TMTC3: variants seen among roughly 807,000 people sequenced by gnomAD.
The protein encoded by TMTC3 is protein O-mannosyl-transferase TMTC3.
In TMTC3, 52 loss-of-function variants were observed where a neutral mutation model predicts 92.2. The observed-to-expected ratio is 0.56, with a 90% CI of 0.45 to 0.71. The LOEUF (loss-of-function observed/expected upper bound fraction) is 0.71. Ranked by LOEUF, TMTC3 falls within the 30% of genes least tolerant of loss-of-function variation. The pLI is 0.00. For synonymous variants in TMTC3, 339 were observed against 363.3 expected, an observed-to-expected ratio of 0.93 and a Z score of 0.76; for missense variants, 896 against 1,057.1, an observed-to-expected ratio of 0.85 and a Z score of 2.11.
chr12:88,172,232 T>C (rs1015337533), intron 7 of TMTC3, among the ~76,000 whole-genome samples: 2 of 152,132 alleles, frequency 1.3e-5, no homozygotes, highest in African/African-American at 4.8e-5. Context: ...TAGCTAATTA[T>C]GCTTCTCAAA....
intron 10 of TMTC3, among the ~76,000 whole-genome samples, chr12:88,185,050 G>A (rs1039968984): frequency 6.6e-6 from 1 of 152,172 alleles, no homozygotes; most frequent in Admixed American, 6.5e-5. Context: ...TGATTGAGTT[G>A]TAATTTTTTA....
chr12:88,184,812 TAC>T (rs915929753), intron 10 of TMTC3, among the ~76,000 whole-genome samples: 44 of 152,042 alleles, frequency 2.9e-4, no homozygotes, highest in Middle Eastern at 3.4e-3. Context: ...AATATATATA[TAC>T]ACACACACAT....
rs763756390 is a variant in TMTC3, at chr12:88,195,165, T to C, written c.2261T>C (p.Leu754Pro). Reference sequence around the variant, plus strand: ...CTGATGAATCAAAAGAAAGATATACTAGGAGCAAAAAAATGTTTTGAAAGG... The same window carrying C: ...CTGATGAATCAAAAGAAAGATATACCAGGAGCAAAAAAATGTTTTGAAAGG... ...DILMNQKKDI[L>P]GAKKCFERIL... The change falls in exon 14 of 14, where the codon CTA (leucine) becomes CCA (proline). Residue 754 changes from leucine to proline, a missense_variant. Coordinates refer to ENST00000266712, the MANE Select transcript of TMTC3 (RefSeq NM_181783.4). 1.1e-5 allele frequency: 18 copies of C among 1,613,718 alleles called. No individual in the cohort carries two copies. The highest frequency in any genetic ancestry group is 1.4e-5 in the Non-Finnish European group (17 of 1,179,882).
At position 88,153,156 on chromosome 12, in the gene TMTC3, C is replaced by T. The variant is rs970646894; in HGVS notation, c.190-135C>T. The T allele has an allele frequency of 6.2e-5, 37 of 593,888 alleles. 1 individual carries two copies. The highest frequency in any genetic ancestry group is 1.3e-4 in the African/African-American group (7 of 53,124). The allele number at this position is 593,888 out of a possible 1,614,324, so 36.8% of individuals were successfully genotyped here. A position where few individuals can be genotyped will look rare whatever the true frequency, so the allele number is the denominator to read the frequency against. The stretch of plus-strand genomic sequence containing the variant: ...GTATTTTATTTTTGTGTTACTCTTA[C>T]GACATTTCATATTTTATTGTTATTT... On this transcript the variant is annotated intron_variant, in intron 2 of 13. Transcript: ENST00000266712.
chr12:88,160,197 T>C lies in TMTC3; in HGVS notation c.592T>C (p.Cys198Arg). The change falls in exon 5 of 14, where the codon TGC becomes CGC. Residue 198 changes from cysteine (C) to arginine (R), a missense_variant. By Grantham distance (180) the Cys-to-Arg change is radical. Coordinates refer to ENST00000266712, the MANE Select transcript of TMTC3 (RefSeq NM_181783.4). ...KEQGITVVGI[C>R]CVYEVFIAQG... Reference sequence around the variant, plus strand: ...ACAAGGAATAACAGTTGTAGGAATTTGCTGTGTGTATGAAGTGTTTATTGC... The same window carrying C: ...ACAAGGAATAACAGTTGTAGGAATTCGCTGTGTGTATGAAGTGTTTATTGC... 6.3e-7 allele frequency: 1 copy of C among 1,588,324 alleles called. No homozygotes were observed. Among genetic ancestry groups the C allele is most frequent in the South Asian group, 1.2e-5 (1 of 85,366 alleles).
At chr12:88,155,449 A>G (rs892982394) in intron 4 of TMTC3, among the ~76,000 whole-genome samples, 3 of 152,190 alleles carry the variant, frequency 2.0e-5, no homozygotes, top group African/African-American at 7.2e-5. Flanking sequence ...ACTGTGGCCT[A>G]CAGGATTATA....
At chr12:88,165,762 A>G (rs147418141) in intron 6 of TMTC3, among the ~76,000 whole-genome samples, 1 of 152,256 alleles carries the variant, frequency 6.6e-6, no homozygotes, top group East Asian at 1.9e-4. Flanking sequence ...ACTACTTTGT[A>G]CTAGAAATTT....
rs1411871375 is a variant in TMTC3 at position 88,192,720 on chromosome 12, T to C, written c.1823T>C (p.Ile608Thr). 3.7e-6 allele frequency: 6 copies of C among 1,613,432 alleles called. No homozygotes were observed. The highest frequency in any genetic ancestry group is 2.2e-5 in the South Asian group (2 of 91,080). ...DLWYNLAIVH[I>T]ELKEPNEALK... The stretch of plus-strand genomic sequence containing the variant: ...TGGTACAACTTGGCAATTGTACATA[T>C]TGAACTTAAAGAACCAAATGAAGCC... Residue 608 changes from isoleucine to threonine, a missense_variant, in exon 13 of 14, where the codon ATT becomes ACT. Ile to Thr is a moderately conservative substitution (Grantham distance 89). Transcript: ENST00000266712.
chr12:88,184,789 T>TAC (rs1216145772), intron 10 of TMTC3, among the ~76,000 whole-genome samples: 7 of 151,828 alleles, frequency 4.6e-5, no homozygotes, highest in African/African-American at 9.7e-5. Context: ...TATATATATA[T>TAC]ACACACACAC....
rs77671939 is a variant in TMTC3 at position 88,151,298 on chromosome 12, T to C, written c.190-1993T>C. Among the ~76,000 whole-genome samples, 324 of 152,318 alleles carry C rather than the reference T, an allele frequency of 2.1e-3. 2 individuals are homozygous for C. The highest frequency in any genetic ancestry group is 7.6e-3 in the African/African-American group (316 of 41,586). On this transcript the variant is annotated intron_variant, in intron 2 of 13. Coordinates refer to ENST00000266712, the MANE Select transcript of TMTC3 (RefSeq NM_181783.4). ...AAGTACCTTGTGCTAAGGTAACTTC[T>C]GCAAATATTTTATCTCATTATGATT...
intron 12 of TMTC3, among the ~76,000 whole-genome samples, chr12:88,191,325 C>T (rs2041440087): frequency 6.6e-6 from 1 of 151,938 alleles, no homozygotes; most frequent in African/African-American, 2.4e-5. Flanking sequence ...TAAATAACAC[C>T]TGTCATGTAT....
intron 10 of TMTC3, 88 bp from the exon 11 acceptor site, chr12:88,188,755 A>C (rs1592749958): frequency 1.5e-6 from 1 of 647,540 alleles, no homozygotes; most frequent in East Asian, 3.0e-5. Flanking sequence ...ATACTTGTTT[A>C]TATATCAAAT....
intron 10 of TMTC3, among the ~76,000 whole-genome samples, chr12:88,178,700 G>C (rs2041285463): frequency 6.6e-6 from 1 of 152,122 alleles, no homozygotes; most frequent in South Asian, 2.1e-4. Flanking sequence ...ACTTTCTTAA[G>C]TCTTGAGATG....
At chr12:88,180,967 G>T (rs189900741) in intron 10 of TMTC3, among the ~76,000 whole-genome samples, 65 of 152,242 alleles carry the variant, frequency 4.3e-4, no homozygotes, top group African/African-American at 1.4e-3. Context: ...AGTGTTGCAG[G>T]ATCCTTACTC....
At position 88,155,539 on chromosome 12, in the gene TMTC3, T is replaced by G. The variant is rs555187733; in HGVS notation, c.508+1152T>G. 1.1e-4 allele frequency among the ~76,000 whole-genome samples: 16 copies of G among 152,292 alleles called. No individual in the cohort carries two copies. The South Asian group carries it at 3.1e-3, about 30-fold the overall frequency. ...GTCTTCACTATAGCTAGATAGACCT[T>G]CTTGCTGTTCCCAAACAGGCAGAGC... On this transcript the variant is annotated intron_variant, in intron 4 of 13. Coordinates refer to ENST00000266712, the MANE Select transcript of TMTC3 (RefSeq NM_181783.4).
Position 88,192,761 on chromosome 12 carries a change from C to T in TMTC3, c.1864C>T (p.Arg622Cys), listed in dbSNP as rs776523504. Reference sequence around the variant, plus strand: ...AAATGAAGCCCTAAAAAACTTTAATCGTGCTCTGGAACTAAATCCAAAGCA... The same window carrying T: ...AAATGAAGCCCTAAAAAACTTTAATTGTGCTCTGGAACTAAATCCAAAGCA... ...EPNEALKNFNRALELNPKHKL... is the reference protein window; with the variant it reads ...EPNEALKNFNCALELNPKHKL... Residue 622 changes from arginine (R) to cysteine (C), a missense_variant, in exon 13 of 14, where the codon CGT becomes TGT. Physicochemically the swap from Arg to Cys is radical, Grantham distance 180. Transcript: ENST00000266712. 17 of 1,613,260 alleles carry T rather than the reference C, an allele frequency of 1.1e-5. No individual in the cohort carries two copies. Among genetic ancestry groups the T allele is most frequent in the Middle Eastern group, 1.6e-4 (1 of 6,070 alleles).
At chr12:88,183,404 G>C (rs747528308) in intron 10 of TMTC3, among the ~76,000 whole-genome samples, 2 of 152,152 alleles carry the variant, frequency 1.3e-5, no homozygotes, top group Non-Finnish European at 2.9e-5. Context: ...TGCCAGGCAG[G>C]CTAAGAGCTC....
chr12:88,193,953 G>A (rs978923448), intron 13 of TMTC3, among the ~76,000 whole-genome samples: 1 of 152,046 alleles, frequency 6.6e-6, no homozygotes, highest in African/African-American at 2.4e-5. Context: ...CCAGGCAGTG[G>A]CTGATGCCTG....
chr12:88,148,291 T>G lies in TMTC3; in HGVS notation c.-25T>G. ...ATCTTCATGATTTTTTTTCCAGTTT[T>G]TGTCCAGAAGTGCTTATAGAAAAGA... On this transcript the variant is annotated 5_prime_UTR_variant, in exon 2 of 14. Coordinates refer to ENST00000266712, the MANE Select transcript of TMTC3 (RefSeq NM_181783.4). 1 of 1,558,906 alleles carries G rather than the reference T, an allele frequency of 6.4e-7. No individual in the cohort carries two copies. Among genetic ancestry groups the G allele is most frequent in the Non-Finnish European group, 8.7e-7 (1 of 1,151,310 alleles).
Sources: gnomAD v4.1 joint callset for allele counts (sites outside exome capture counted in the v4.1 genomes callset) on GRCh38, gnomAD v4.1.1 for gene constraint, MANE v1.5 for transcripts, NCBI Gene and HGNC (gene_info 2026-07-23, HGNC 2026-07-21) for gene names.